Variants in GRM7 observed in about 807,000 individuals in gnomAD.
The protein encoded by GRM7 is metabotropic glutamate receptor 7.
A neutral mutation model predicts 84.5 loss-of-function variants in GRM7; 35 were observed. The ratio of observed to expected loss-of-function variants is 0.41; its 90% confidence interval spans 0.32 to 0.55. The LOEUF (loss-of-function observed/expected upper bound fraction) is 0.55. Among genes scored for constraint, GRM7 ranks in the 20% least tolerant of loss-of-function variants. The probability of loss-of-function intolerance (pLI) is 0.19; values close to 1 mark genes in which losing one functional copy is unlikely to be tolerated. For synonymous variants in GRM7, 487 were observed against 455.1 expected (o/e 1.07, Z -0.89); for missense variants, 1,003 against 1,194.6 (o/e 0.84, Z 2.36).
intron 1 of GRM7, among the ~76,000 whole-genome samples, chr3:7,092,460 A>G (rs538259389): frequency 6.6e-6 from 1 of 152,254 alleles, no homozygotes; most frequent in African/African-American, 2.4e-5. Context: ...TTGCTTTTCT[A>G]CAAAATGGTT....
intron 1 of GRM7, among the ~76,000 whole-genome samples, chr3:6,877,675 A>G (rs945536264): frequency 6.6e-6 from 1 of 152,144 alleles, no homozygotes; most frequent in African/African-American, 2.4e-5. Context: ...TGAGTAGAAA[A>G]TGGTGTTCGT....
At chr3:7,469,316 T>C (rs1170600627) in intron 7 of GRM7, among the ~76,000 whole-genome samples, 2 of 152,222 alleles carry the variant, frequency 1.3e-5, no homozygotes, top group Admixed American at 6.5e-5. Flanking sequence ...GTAAGCTTGT[T>C]CCAAGTGCAA....
At chr3:7,286,901 C>T (rs945392201) in intron 2 of GRM7, among the ~76,000 whole-genome samples, 5 of 152,058 alleles carry the variant, frequency 3.3e-5, no homozygotes, top group Non-Finnish European at 7.4e-5. Context: ...AATATATTTG[C>T]AAATCCTGTG....
chr3:7,442,071 G>A (rs1697310954), intron 5 of GRM7, among the ~76,000 whole-genome samples: 1 of 151,980 alleles, frequency 6.6e-6, no homozygotes, highest in South Asian at 2.1e-4. Flanking sequence ...ATTGCTTTGG[G>A]CAGTATGGCC....
At chr3:7,031,138 A>G (rs546753904) in intron 1 of GRM7, among the ~76,000 whole-genome samples, 32 of 152,280 alleles carry the variant, frequency 2.1e-4, no homozygotes, top group Non-Finnish European at 3.5e-4. Flanking sequence ...AAAGCTTTCA[A>G]TATTTGCCAA....
At chr3:6,875,397 C>G (rs1213255825) in intron 1 of GRM7, among the ~76,000 whole-genome samples, 1 of 152,128 alleles carries the variant, frequency 6.6e-6, no homozygotes, top group East Asian at 1.9e-4. Flanking sequence ...GTGGTTTCCC[C>G]CATACTGTTC....
intron 1 of GRM7, among the ~76,000 whole-genome samples, chr3:7,007,949 A>G (rs1695236923): frequency 6.6e-6 from 1 of 152,198 alleles, no homozygotes; most frequent in Admixed American, 6.5e-5. Flanking sequence ...CTAGCAACGT[A>G]AGAAATGTTC....
chr3:7,075,534 G>A (rs2124989579), intron 1 of GRM7, among the ~76,000 whole-genome samples: 1 of 138,736 alleles, frequency 7.2e-6, no homozygotes, highest in East Asian at 2.3e-4. Flanking sequence ...GTGTGTGTGT[G>A]TGTGTGTGTG....
intron 1 of GRM7, among the ~76,000 whole-genome samples, chr3:6,937,040 G>A (rs1697717290): frequency 1.3e-5 from 2 of 152,140 alleles, no homozygotes; most frequent in African/African-American, 4.8e-5. Flanking sequence ...ATATTATTTA[G>A]GGGTATAATG....
intron 2 of GRM7, among the ~76,000 whole-genome samples, chr3:7,246,523 G>C (rs1352680328): frequency 6.6e-6 from 1 of 152,108 alleles, no homozygotes; most frequent in African/African-American, 2.4e-5. Context: ...GATCAAAGAT[G>C]AAAATTCCTG....
chr3:7,392,567 A>G (rs1007976703), intron 4 of GRM7, among the ~76,000 whole-genome samples: 132 of 152,200 alleles, frequency 8.7e-4, no homozygotes, highest in African/African-American at 3.1e-3. Context: ...GGTGAGAAAC[A>G]TGGGCAAGGC....
At chr3:7,066,554 A>T (rs1197850563) in intron 1 of GRM7, among the ~76,000 whole-genome samples, 1 of 151,936 alleles carries the variant, frequency 6.6e-6, no homozygotes, top group Non-Finnish European at 1.5e-5. Context: ...CAACAAAAAA[A>T]GTCCAGGACC....
At chr3:7,646,188 G>GTTATTA (rs567365691) in intron 8 of GRM7, among the ~76,000 whole-genome samples, 2 of 151,510 alleles carry the variant, frequency 1.3e-5, no homozygotes, top group Non-Finnish European at 1.5e-5. Flanking sequence ...AATTATTATT[G>GTTATTA]TTATTATTAT....
intron 1 of GRM7, among the ~76,000 whole-genome samples, chr3:6,944,235 G>T (rs188055231): frequency 2.0e-5 from 3 of 152,138 alleles, no homozygotes; most frequent in East Asian, 3.9e-4. Context: ...GGCAAGAAAA[G>T]ATATTCTTGT....
intron 1 of GRM7, among the ~76,000 whole-genome samples, chr3:6,990,681 T>A (rs1276952076): frequency 6.6e-6 from 1 of 152,180 alleles, no homozygotes; most frequent in Admixed American, 6.5e-5. Flanking sequence ...CTTCACACTC[T>A]CCAATTAGTA....
intron 2 of GRM7, among the ~76,000 whole-genome samples, chr3:7,157,354 G>A (rs961069238): frequency 6.6e-6 from 1 of 152,116 alleles, no homozygotes; most frequent in African/African-American, 2.4e-5. Flanking sequence ...CACACAGGAT[G>A]AAATGTGATA....
intron 3 of GRM7, among the ~76,000 whole-genome samples, chr3:7,305,657 C>T (rs1004833119): frequency 6.6e-6 from 1 of 151,182 alleles, no homozygotes; most frequent in African/African-American, 2.4e-5. Context: ...AGAAAACTGT[C>T]ATTTCCTGCC....
chr3:7,627,483 C>A (rs766400936), intron 8 of GRM7, among the ~76,000 whole-genome samples: 1 of 152,128 alleles, frequency 6.6e-6, no homozygotes. Flanking sequence ...AGGAATTTTC[C>A]TTTGTAGGTG....
At chr3:7,328,734 C>A (rs1404903034) in intron 4 of GRM7, among the ~76,000 whole-genome samples, 1 of 152,140 alleles carries the variant, frequency 6.6e-6, no homozygotes, top group African/African-American at 2.4e-5. Flanking sequence ...TAGCTAAATG[C>A]ATTCCTCTCT....
Sources: allele counts gnomAD v4.1 joint callset (sites outside exome capture counted in the v4.1 genomes callset), GRCh38; gene constraint gnomAD v4.1.1; transcripts MANE v1.5; gene names NCBI Gene and HGNC (gene_info 2026-07-23, HGNC 2026-07-21).